Variants in OPHN1 observed in about 807,000 individuals in gnomAD.
OPHN1 encodes oligophrenin-1.
In OPHN1, 11 loss-of-function variants were observed where a neutral mutation model predicts 60.7. That is an observed-to-expected ratio of 0.18 (90% CI 0.11 to 0.30). The LOEUF is 0.30. Ranked by LOEUF, OPHN1 falls within the 10% of genes least tolerant of loss-of-function variation. The pLI is 1.00. For synonymous variants in OPHN1, 226 were observed against 222.6 expected (o/e 1.02, Z -0.14); for missense variants, 449 against 611.0 (o/e 0.73, Z 2.80).
chrX:68,376,800 T>A (rs2058332315), intron 2 of OPHN1, among the ~76,000 whole-genome samples: 1 of 111,751 alleles, frequency 8.9e-6, no homozygotes, highest in Admixed American at 9.6e-5. Context: ...ATTACCACTA[T>A]CAGATTCCTG....
intron 2 of OPHN1, among the ~76,000 whole-genome samples, chrX:68,390,650 A>G (rs985370794): frequency 8.9e-6 from 1 of 111,752 alleles, no homozygotes; most frequent in Non-Finnish European, 1.9e-5. Flanking sequence ...TAAATGAATA[A>G]TTATTAAGGG....
chrX:68,262,749 T>G (rs1474484006), intron 5 of OPHN1, among the ~76,000 whole-genome samples: 1 of 111,200 alleles, frequency 9.0e-6, no homozygotes, highest in African/African-American at 3.3e-5. Flanking sequence ...ATCACGTCAT[T>G]GCACTCCAGC....
intron 2 of OPHN1, among the ~76,000 whole-genome samples, chrX:68,367,356 G>GAAAA (rs61694272): frequency 1.3e-5 from 1 of 75,002 alleles, no homozygotes; most frequent in African/African-American, 4.7e-5. Flanking sequence ...TCTGTCTCGG[G>GAAAA]AAAAAAAAAA....
chrX:68,288,624 C>T (rs2078056255), intron 3 of OPHN1, among the ~76,000 whole-genome samples: 1 of 110,340 alleles, frequency 9.1e-6, no homozygotes. Flanking sequence ...ATTAGCCGAG[C>T]GTGGAAGCAG....
chrX:68,209,987 T>G, intron 9 of OPHN1, 166 bp downstream of exon 9: 3 of 451,954 alleles, frequency 6.6e-6, no homozygotes, highest in Non-Finnish European at 3.7e-6. Flanking sequence ...TCCTCTCAGT[T>G]TCTCCTTTTT....
intron 6 of OPHN1, among the ~76,000 whole-genome samples, chrX:68,227,067 C>G (rs925609912): frequency 9.0e-6 from 1 of 110,680 alleles, no homozygotes; most frequent in Non-Finnish European, 1.9e-5. Context: ...GGAAGATCTA[C>G]CAAGCAAATG....
chrX:68,053,223 A>T (rs2209769), intron 22 of OPHN1, among the ~76,000 whole-genome samples: 47,513 of 110,065 alleles, frequency 0.43, 8,882 homozygotes, highest in African/African-American at 0.71. Context: ...TTGAAAAAAA[A>T]TTTAAATCAT....
At chrX:68,423,665 G>A (rs903432098) in intron 2 of OPHN1, among the ~76,000 whole-genome samples, 1 of 111,364 alleles carries the variant, frequency 9.0e-6, no homozygotes, top group African/African-American at 3.3e-5. Flanking sequence ...CATATGAAAG[G>A]AATCATGAAC....
intron 15 of OPHN1, among the ~76,000 whole-genome samples, chrX:68,136,431 G>A (rs887787250): frequency 3.7e-5 from 4 of 106,836 alleles, no homozygotes; most frequent in South Asian, 4.2e-4. Flanking sequence ...AGCCTCCCGA[G>A]TAGCTGGGAC....
intron 15 of OPHN1, among the ~76,000 whole-genome samples, chrX:68,165,340 G>T (rs780724730): frequency 1.2e-4 from 13 of 111,531 alleles, no homozygotes; most frequent in Non-Finnish European, 2.3e-4. Context: ...TTCATTTAAA[G>T]TGAGAGATGT....
intron 15 of OPHN1, among the ~76,000 whole-genome samples, chrX:68,137,581 T>C (rs911555110): frequency 8.9e-6 from 1 of 111,737 alleles, no homozygotes; most frequent in Non-Finnish European, 1.9e-5. Flanking sequence ...CTAAACCTGC[T>C]ACTGGTTTGA....
intron 18 of OPHN1, among the ~76,000 whole-genome samples, chrX:68,106,519 T>TC (rs778078581): frequency 8.9e-4 from 99 of 111,784 alleles, no homozygotes; most frequent in African/African-American, 3.0e-3. Context: ...TGCTGATAAA[T>TC]AGCTATAAGA....
chrX:68,112,710 G>A (rs372146491), intron 17 of OPHN1, among the ~76,000 whole-genome samples: 7 of 111,781 alleles, frequency 6.3e-5, no homozygotes, highest in East Asian at 2.8e-4. Flanking sequence ...ATGTACTGAC[G>A]CCCTCTCCCT....
intron 3 of OPHN1, among the ~76,000 whole-genome samples, chrX:68,296,683 G>A (rs766117829): frequency 4.4e-4 from 48 of 108,170 alleles, no homozygotes; most frequent in African/African-American, 1.6e-3. Flanking sequence ...GCAAAAGACT[G>A]GGTGTGGTAG....
intron 2 of OPHN1, among the ~76,000 whole-genome samples, chrX:68,331,173 G>T (rs2078292733): frequency 1.9e-5 from 2 of 104,126 alleles, no homozygotes; most frequent in Admixed American, 1.1e-4. Flanking sequence ...ATTTATATAT[G>T]ATTATATACA....
chrX:68,124,337 C>T (rs2077161609), intron 15 of OPHN1, among the ~76,000 whole-genome samples: 1 of 110,623 alleles, frequency 9.0e-6, no homozygotes, highest in Non-Finnish European at 1.9e-5. Flanking sequence ...ATAAAGGGGT[C>T]AATTTAGCAA....
chrX:68,053,948 A>ATTTTTT, intron 21 of OPHN1, 138 bp from the exon 22 acceptor site: 22 of 463,540 alleles, frequency 4.7e-5, no homozygotes, highest in South Asian at 7.5e-5. Context: ...AACTCTGGCT[A>ATTTTTT]TTTTTTTTTT....
chrX:68,077,880 C>T (rs1204652202), intron 19 of OPHN1, among the ~76,000 whole-genome samples: 3 of 111,772 alleles, frequency 2.7e-5, no homozygotes, highest in Admixed American at 9.5e-5. Context: ...TAAGAAAGAA[C>T]CTAAATTGTA....
intron 2 of OPHN1, among the ~76,000 whole-genome samples, chrX:68,350,474 CCCTCCCTCCCTT>C (rs1424625308): frequency 1.4e-5 from 1 of 69,865 alleles, no homozygotes; most frequent in African/African-American, 8.0e-5. Flanking sequence ...CTTCCTTCCT[CCCTCCCTCCCTT>C]CCTCCCTTCC....
Sources: allele counts gnomAD v4.1 joint callset (sites outside exome capture counted in the v4.1 genomes callset), GRCh38; gene constraint gnomAD v4.1.1; transcripts MANE v1.5; gene names NCBI Gene and HGNC (gene_info 2026-07-23, HGNC 2026-07-21).